TENM1: variants seen among roughly 807,000 people sequenced by gnomAD.
TENM1 encodes the protein teneurin transmembrane protein 1.
Under a neutral mutation model 174.8 loss-of-function variants are expected in TENM1, and 35 were observed. The ratio of observed to expected loss-of-function variants is 0.20; its 90% confidence interval spans 0.15 to 0.27. The LOEUF (loss-of-function observed/expected upper bound fraction) is 0.27. Among genes scored for constraint, TENM1 ranks in the 10% least tolerant of loss-of-function variants. The pLI, the probability that TENM1 is intolerant of heterozygous loss-of-function variation, is 1.00. For synonymous variants in TENM1, 781 were observed against 798.7 expected, an observed-to-expected ratio of 0.98 and a Z score of 0.37; for missense variants, 1,633 against 2,130.1, an observed-to-expected ratio of 0.77 and a Z score of 4.59.
intron 15 of TENM1, among the ~76,000 whole-genome samples, chrX:124,535,127 T>A (rs1389747380): frequency 1.8e-5 from 2 of 111,889 alleles, no homozygotes; most frequent in African/African-American, 6.5e-5. Context: ...TCCACGAGAA[T>A]CACTGGAAAG....
At chrX:124,696,592 A>G (rs2052657022) in intron 5 of TENM1, among the ~76,000 whole-genome samples, 1 of 110,986 alleles carries the variant, frequency 9.0e-6, no homozygotes, top group Non-Finnish European at 1.9e-5. Context: ...GCTTGTTATG[A>G]GTAAAATCCA....
At chrX:125,142,129 C>G in the TENM1 span, among the ~76,000 whole-genome samples, 22 of 112,062 alleles carry the variant, frequency 2.0e-4, no homozygotes, top group Admixed American at 1.6e-3. Flanking sequence ...CTGGGCTATG[C>G]AACTTGGCTT....
At chrX:124,406,332 A>G (rs1442626407) in exon 26 of TENM1, 1 of 1,207,696 alleles carries the variant, frequency 8.3e-7, no homozygotes, top group Non-Finnish European at 1.1e-6. Flanking sequence ...TTTAAAATAT[A>G]TATGGTACTA....
intron 3 of TENM1, among the ~76,000 whole-genome samples, chrX:124,882,512 C>A (rs1418827233): frequency 8.9e-6 from 1 of 111,913 alleles, no homozygotes; most frequent in Non-Finnish European, 1.9e-5. Context: ...TAGTCTATCT[C>A]CCTTCTTAGG....
chrX:124,655,194 G>A (rs771109409), intron 6 of TENM1, among the ~76,000 whole-genome samples: 2 of 111,604 alleles, frequency 1.8e-5, no homozygotes, highest in African/African-American at 6.5e-5. Flanking sequence ...AGCTAACCCC[G>A]TGATTGTGAG....
intron 7 of TENM1, among the ~76,000 whole-genome samples, chrX:124,652,613 C>T (rs1602915546): frequency 8.9e-6 from 1 of 111,912 alleles, no homozygotes; most frequent in Admixed American, 9.5e-5. Flanking sequence ...CTTGAAAATA[C>T]ACCTTCCACT....
At chrX:124,710,355 A>G (rs373640594) in intron 4 of TENM1, among the ~76,000 whole-genome samples, 22 of 112,062 alleles carry the variant, frequency 2.0e-4, no homozygotes, top group African/African-American at 6.5e-4. Flanking sequence ...CCTTTACTTA[A>G]TGTTTGGAGA....
chrX:124,987,164 A>C, the TENM1 span, among the ~76,000 whole-genome samples: 1 of 111,482 alleles, frequency 9.0e-6, no homozygotes, highest in Admixed American at 9.6e-5. Flanking sequence ...GAGATCCCAT[A>C]ATAACAATAC....
chrX:124,844,064 C>T (rs2056558457), intron 3 of TENM1, among the ~76,000 whole-genome samples: 1 of 110,755 alleles, frequency 9.0e-6, no homozygotes, highest in South Asian at 3.8e-4. Flanking sequence ...CTCCTCTCAC[C>T]CTCCTCTCTA....
intron 4 of TENM1, among the ~76,000 whole-genome samples, chrX:124,734,009 T>C (rs919388237): frequency 8.9e-6 from 1 of 112,272 alleles, no homozygotes; most frequent in African/African-American, 3.2e-5. Flanking sequence ...CTCAGCTCTC[T>C]ATCACTAAGC....
At chrX:125,051,358 G>A in the TENM1 span, among the ~76,000 whole-genome samples, 31 of 109,643 alleles carry the variant, frequency 2.8e-4, no homozygotes, top group Non-Finnish European at 7.6e-5. Context: ...AAGTTCATAT[G>A]GAACCAAAAA....
At chrX:124,587,153 AC>A (rs1203267895) in intron 11 of TENM1, among the ~76,000 whole-genome samples, 1 of 109,614 alleles carries the variant, frequency 9.1e-6, no homozygotes, top group Non-Finnish European at 1.9e-5. Context: ...CCATCAAGCT[AC>A]CAATGACTTT....
chrX:124,479,695 T>G (rs2046804205), intron 22 of TENM1, among the ~76,000 whole-genome samples: 1 of 111,112 alleles, frequency 9.0e-6, no homozygotes, highest in Admixed American at 9.6e-5. Flanking sequence ...AGGTGAATGG[T>G]TTTCAGACTA....
intron 1 of TENM1, among the ~76,000 whole-genome samples, chrX:124,945,049 A>T (rs191159306): frequency 9.0e-6 from 1 of 111,194 alleles, no homozygotes; most frequent in Non-Finnish European, 1.9e-5. Context: ...GGAAAGAAAA[A>T]AGCAGGAAAA....
chrX:124,819,487 C>T (rs142963565), intron 3 of TENM1, among the ~76,000 whole-genome samples: 1,300 of 111,028 alleles, frequency 0.012, 21 homozygotes, highest in African/African-American at 0.039. Flanking sequence ...CTAGATCATA[C>T]GGTCTCAGTG....
chrX:124,703,961 C>G (rs1290324338), intron 5 of TENM1, among the ~76,000 whole-genome samples: 1 of 112,406 alleles, frequency 8.9e-6, no homozygotes, highest in Non-Finnish European at 1.9e-5. Context: ...TCAGTGACCT[C>G]CCTACAAAAT....
intron 14 of TENM1, among the ~76,000 whole-genome samples, chrX:124,550,837 C>A (rs937497134): frequency 7.3e-5 from 8 of 109,758 alleles, no homozygotes; most frequent in African/African-American, 2.7e-4. Flanking sequence ...CTGCTCACTG[C>A]AACCTCTGTG....
intron 3 of TENM1, among the ~76,000 whole-genome samples, chrX:124,846,899 G>A (rs1333905979): frequency 9.0e-6 from 1 of 110,832 alleles, no homozygotes; most frequent in Non-Finnish European, 1.9e-5. Context: ...ATTTTTAAGA[G>A]GAATTAAAAT....
intron 11 of TENM1, among the ~76,000 whole-genome samples, chrX:124,619,079 T>C (rs889766233): frequency 2.7e-5 from 3 of 111,403 alleles, no homozygotes; most frequent in African/African-American, 9.8e-5. Context: ...TGAGACCCTG[T>C]CTCTACAAAA....
Sources: gnomAD v4.1 joint callset for allele counts (sites outside exome capture counted in the v4.1 genomes callset) on GRCh38, gnomAD v4.1.1 for gene constraint, MANE v1.5 for transcripts, NCBI Gene and HGNC (gene_info 2026-07-23, HGNC 2026-07-21) for gene names.